The following USP32 variants were observed in gnomAD, a reference collection of about 807,000 sequenced individuals.
The protein encoded by USP32 is ubiquitin specific peptidase 32, also known as ubiquitin carboxyl-terminal hydrolase 32.
In USP32, 59 loss-of-function variants were observed where a neutral mutation model predicts 204.8. That is an observed-to-expected ratio of 0.29 (90% CI 0.23 to 0.36). The LOEUF is 0.36. USP32 is among the 10% of genes least tolerant of loss of function. The probability of loss-of-function intolerance (pLI) is 1.00; values close to 1 mark genes in which losing one functional copy is unlikely to be tolerated. For synonymous variants in USP32, 517 were observed against 678.4 expected (o/e 0.76, Z 3.70); for missense variants, 1,160 against 1,946.4 (o/e 0.60, Z 7.60).
At chr17:60,272,033 C>T (rs237961) in intron 5 of USP32, among the ~76,000 whole-genome samples, 21,299 of 152,012 alleles carry the variant, frequency 0.14, 3,207 homozygotes, top group African/African-American at 0.37. Context: ...CAGGCTGGTC[C>T]CAAACTCCTG....
chr17:60,271,010 T>C (rs1300613313), intron 6 of USP32, among the ~76,000 whole-genome samples: 2 of 152,218 alleles, frequency 1.3e-5, no homozygotes, highest in African/African-American at 2.4e-5. Flanking sequence ...TGTGGAAACA[T>C]GGAGCTCTGC....
At chr17:60,385,207 C>T (rs985223288) in intron 1 of USP32, among the ~76,000 whole-genome samples, 9 of 152,176 alleles carry the variant, frequency 5.9e-5, no homozygotes, top group African/African-American at 1.4e-4. Context: ...TCGTGACCCC[C>T]GCCCCTGCCT....
chr17:60,378,523 A>G (rs1382244538), intron 1 of USP32, among the ~76,000 whole-genome samples: 3 of 152,228 alleles, frequency 2.0e-5, no homozygotes, highest in Admixed American at 6.5e-5. Flanking sequence ...TATTCACAAT[A>G]GCCAAAAGGT....
At chr17:60,221,055 CT>C (rs924818328) in intron 15 of USP32, among the ~76,000 whole-genome samples, 42 of 145,966 alleles carry the variant, frequency 2.9e-4, no homozygotes, top group African/African-American at 2.7e-4. Flanking sequence ...TGCAACAGAA[CT>C]TTTTTTTTTT....
intron 1 of USP32, among the ~76,000 whole-genome samples, chr17:60,350,863 C>T (rs1183790201): frequency 6.6e-6 from 1 of 151,810 alleles, no homozygotes; most frequent in African/African-American, 2.4e-5. Context: ...ATCCACGTAA[C>T]GAAAAACCAC....
chr17:60,252,224 C>T (rs1369134748), intron 11 of USP32, among the ~76,000 whole-genome samples, 157 bp downstream of exon 11: 1 of 151,944 alleles, frequency 6.6e-6, no homozygotes, highest in African/African-American at 2.4e-5. Context: ...AGTACCTTCC[C>T]TTATCTAGGA....
At chr17:60,257,728 C>T (rs1299974312) in intron 9 of USP32, among the ~76,000 whole-genome samples, 1 of 152,016 alleles carries the variant, frequency 6.6e-6, no homozygotes, top group African/African-American at 2.4e-5. Context: ...AGGCAATCCT[C>T]CTACCTTGGC....
chr17:60,407,781 C>CA (rs750848462), intron 1 of USP32, among the ~76,000 whole-genome samples: 4,940 of 35,258 alleles, frequency 0.14, 536 homozygotes, highest in East Asian at 0.18. Context: ...GCCTCTGTCT[C>CA]AAAAAAAAAA....
intron 10 of USP32, 146 bp downstream of exon 10, chr17:60,255,029 T>G: frequency 1.8e-6 from 1 of 560,272 alleles, no homozygotes; most frequent in Non-Finnish European, 3.0e-6. Flanking sequence ...CACCCATCTT[T>G]CAGACGAGTA....
intron 1 of USP32, among the ~76,000 whole-genome samples, chr17:60,376,980 C>T (rs4047744): frequency 3.6e-4 from 55 of 152,148 alleles, no homozygotes; most frequent in African/African-American, 1.1e-3. Flanking sequence ...CGAATAAAAA[C>T]GCACAAAGAA....
At chr17:60,227,802 C>A (rs1447945612) in intron 12 of USP32, among the ~76,000 whole-genome samples, 1 of 152,032 alleles carries the variant, frequency 6.6e-6, no homozygotes, top group Non-Finnish European at 1.5e-5. Flanking sequence ...TTATAAATTT[C>A]TTTGTTCCTT....
intron 31 of USP32, among the ~76,000 whole-genome samples, 183 bp downstream of exon 31, chr17:60,182,981 AG>A (rs2084151509): frequency 6.6e-6 from 1 of 152,176 alleles, no homozygotes; most frequent in Non-Finnish European, 1.5e-5. Flanking sequence ...TTTACAGATG[AG>A]AAAATAGATT....
chr17:60,295,240 G>GAA (rs111710231), intron 3 of USP32, among the ~76,000 whole-genome samples: 1 of 131,544 alleles, frequency 7.6e-6, no homozygotes, highest in Admixed American at 7.6e-5. Flanking sequence ...GCAAAACTTC[G>GAA]AAAAAAAAAA....
intron 11 of USP32, chr17:60,249,514 C>A: frequency 2.1e-6 from 1 of 466,990 alleles, no homozygotes; most frequent in African/African-American, 2.0e-5. Flanking sequence ...TCAGTTTTCC[C>A]TCACTGTTTA....
chr17:60,302,109 GTTTGTTTATTTATTTA>G (rs1181626082), intron 2 of USP32, among the ~76,000 whole-genome samples: 9,963 of 130,322 alleles, frequency 0.076, 1,192 homozygotes, highest in African/African-American at 0.25. Flanking sequence ...TAAATATTTT[GTTTGTTTATTTATTTA>G]TTTATTTATT....
chr17:60,194,831 C>T lies in USP32; in HGVS notation c.3435-1901G>A, dbSNP rs139606525. On this transcript the variant is annotated intron_variant, in intron 27 of 33. Coordinates refer to ENST00000300896, the MANE Select transcript of USP32 (RefSeq NM_032582.4). Reference sequence around the variant, plus strand: ...CATCCCTATTCTAATGATTCTTTCACCCAAGAGAAACCTCCAATCACTGCC... The same window carrying T: ...CATCCCTATTCTAATGATTCTTTCATCCAAGAGAAACCTCCAATCACTGCC... Among the ~76,000 whole-genome samples, 105 of 152,324 alleles carry T rather than the reference C, an allele frequency of 6.9e-4. No homozygotes were observed. In the Middle Eastern group the frequency reaches 0.037, roughly 54 times the overall value.
At chr17:60,291,527 CTGTGTGTGTATGTGTGTG>C (rs936168179) in intron 4 of USP32, among the ~76,000 whole-genome samples, 9 of 140,722 alleles carry the variant, frequency 6.4e-5, no homozygotes, top group Middle Eastern at 3.3e-3. Flanking sequence ...GCTTCTCTCT[CTGTGTGTGTATGTGTGTG>C]TGTGTGTGTG....
intron 11 of USP32, chr17:60,245,446 C>T (rs796096918): frequency 2.5e-5 from 9 of 354,506 alleles, no homozygotes; most frequent in African/African-American, 1.1e-4. Flanking sequence ...CTTGACATTG[C>T]GGACCAGGAA....
intron 11 of USP32, among the ~76,000 whole-genome samples, chr17:60,247,341 A>G (rs894004943): frequency 3.3e-5 from 5 of 151,290 alleles, no homozygotes; most frequent in African/African-American, 7.3e-5. Flanking sequence ...CACCATACCC[A>G]ACTAGTTTTT....
Sources: gnomAD v4.1 joint callset for allele counts (sites outside exome capture counted in the v4.1 genomes callset) on GRCh38, gnomAD v4.1.1 for gene constraint, MANE v1.5 for transcripts, NCBI Gene and HGNC (gene_info 2026-07-23, HGNC 2026-07-21) for gene names.